Variants in MAPK4 observed in about 807,000 individuals in gnomAD.
The protein encoded by MAPK4 is Erk3-related.
In MAPK4, 22 loss-of-function variants were observed where a neutral mutation model predicts 47.7. The ratio of observed to expected loss-of-function variants is 0.46; its 90% confidence interval spans 0.33 to 0.66. MAPK4 has a LOEUF of 0.66. Among genes scored for constraint, MAPK4 ranks in the 30% least tolerant of loss-of-function variants. MAPK4 has a pLI of 0.02. For missense variants in MAPK4, 736 were observed against 831.7 expected (o/e 0.88, Z 1.42); for synonymous variants, 390 against 365.7 (o/e 1.07, Z -0.76).
intron 4 of MAPK4, among the ~76,000 whole-genome samples, chr18:50,724,993 C>T (rs1158766175): frequency 6.6e-6 from 1 of 152,236 alleles, no homozygotes; most frequent in Non-Finnish European, 1.5e-5. Context: ...AAGAGCAGAG[C>T]TCCCAGGGCA....
At chr18:50,716,385 C>A (rs537376462) in intron 3 of MAPK4, among the ~76,000 whole-genome samples, 2 of 152,310 alleles carry the variant, frequency 1.3e-5, no homozygotes, top group South Asian at 4.1e-4. Context: ...TGCTTCTCAC[C>A]CACCATGAGC....
Position 50,566,943 on chromosome 18 carries a change from T to C in MAPK4, c.-871+6700T>C, listed in dbSNP as rs538488706. Among the ~76,000 whole-genome samples, 189 of 152,364 alleles carry C rather than the reference T, an allele frequency of 1.2e-3. 1 individual carries two copies. The highest frequency in any genetic ancestry group is 3.4e-3 in the Middle Eastern group (1 of 294). ...CCCATTTTCAAGCTCATTTGAACAA[T>C]TGAGACCATATTGTACATATAATTT... is the stretch of plus-strand genomic sequence containing the variant. On this transcript the variant is annotated intron_variant, in intron 1 of 5. Coordinates refer to ENST00000400384, the MANE Select transcript of MAPK4 (RefSeq NM_002747.4).
chr18:50,723,657 GTT>G lies in MAPK4; in HGVS notation c.853+1560_853+1561del, dbSNP rs1911046652. 1.3e-5 allele frequency among the ~76,000 whole-genome samples: 2 copies of G among 152,170 alleles called. 1 individual carries two copies. The highest frequency in any genetic ancestry group is 4.1e-4 in the South Asian group (2 of 4,830). ...GCGGGCAGACCTCTTGAGCCCAGGAGTTTCAGGCCAGCCTGGGCAACATAGGG... is the reference window on the plus strand; with the variant it reads ...GCGGGCAGACCTCTTGAGCCCAGGAGTCAGGCCAGCCTGGGCAACATAGGG... On this transcript the variant is annotated intron_variant, in intron 4 of 5. Transcript: ENST00000400384.
At chr18:50,575,887 G>C (rs1255845915) in intron 1 of MAPK4, among the ~76,000 whole-genome samples, 1 of 149,838 alleles carries the variant, frequency 6.7e-6, no homozygotes, top group Non-Finnish European at 1.5e-5. Context: ...ACAAGCATAT[G>C]AAAAAAATGC....
chr18:50,590,474 C>T (rs747053618), intron 1 of MAPK4, among the ~76,000 whole-genome samples: 23 of 152,316 alleles, frequency 1.5e-4, no homozygotes, highest in Middle Eastern at 6.8e-3. Context: ...ACTTCCATGA[C>T]TGGAAGCACT....
chr18:50,721,833 A>G (rs1183010060), intron 3 of MAPK4, 105 bp from the exon 4 acceptor site: 1 of 1,113,080 alleles, frequency 9.0e-7, no homozygotes. Context: ...GTGCTGCCCC[A>G]CTGCCCTGTG....
At chr18:50,592,531 G>A (rs944266724) in intron 1 of MAPK4, among the ~76,000 whole-genome samples, 8 of 149,186 alleles carry the variant, frequency 5.4e-5, no homozygotes, top group African/African-American at 1.7e-4. Context: ...AACCCCCCCC[G>A]CTTGGTGTCT....
intron 2 of MAPK4, among the ~76,000 whole-genome samples, chr18:50,680,950 C>T (rs906649331): frequency 6.6e-6 from 1 of 152,116 alleles, no homozygotes; most frequent in African/African-American, 2.4e-5. Context: ...TACCTAGGAG[C>T]GAAATTACTG....
chr18:50,598,985 G>T lies in MAPK4; in HGVS notation c.-871+38742G>T, dbSNP rs575470963. ...TGTTAACCTTGATCACTTGGTTAAG[G>T]TGTAGTGTTTGCTAGGTTTCTCCCC... is the stretch of plus-strand genomic sequence containing the variant. On this transcript the variant is annotated intron_variant, in intron 1 of 5. Transcript: ENST00000400384. Among the ~76,000 whole-genome samples, 12 of 152,254 alleles carry T rather than the reference G, an allele frequency of 7.9e-5. No individual in the cohort carries two copies. In the South Asian group the frequency reaches 2.5e-3, roughly 32 times the overall value.
chr18:50,655,620 A>G (rs2043101165), intron 1 of MAPK4, among the ~76,000 whole-genome samples: 2 of 152,060 alleles, frequency 1.3e-5, no homozygotes, highest in African/African-American at 2.4e-5. Flanking sequence ...TGTTTCTCCT[A>G]ATTCCTGGGG....
intron 1 of MAPK4, among the ~76,000 whole-genome samples, chr18:50,630,758 C>T (rs2042822240): frequency 6.6e-6 from 1 of 152,230 alleles, no homozygotes; most frequent in African/African-American, 2.4e-5. Context: ...AGTCTGACCA[C>T]GTCTGCCTTT....
At chr18:50,692,928 C>G (rs1434892316) in intron 2 of MAPK4, among the ~76,000 whole-genome samples, 1 of 152,120 alleles carries the variant, frequency 6.6e-6, no homozygotes, top group Admixed American at 6.5e-5. Context: ...CCACCTGAAC[C>G]ACAGGCAAGG....
At chr18:50,601,642 C>T (rs1332036028) in intron 1 of MAPK4, among the ~76,000 whole-genome samples, 1 of 152,158 alleles carries the variant, frequency 6.6e-6, no homozygotes, top group Admixed American at 6.5e-5. Flanking sequence ...TGCACCTCTC[C>T]AGTACTGCAA....
chr18:50,606,760 T>C (rs556030667), intron 1 of MAPK4, among the ~76,000 whole-genome samples: 38 of 152,290 alleles, frequency 2.5e-4, no homozygotes, highest in Non-Finnish European at 4.7e-4. Context: ...TACTGTGCAA[T>C]GGGGCAGGCA....
chr18:50,590,308 C>A (rs1043403734), intron 1 of MAPK4, among the ~76,000 whole-genome samples: 18 of 152,202 alleles, frequency 1.2e-4, no homozygotes, highest in African/African-American at 4.3e-4. Context: ...TAAAAACATA[C>A]TATTTCTAGC....
chr18:50,701,421 C>G (rs1192604425), intron 2 of MAPK4, among the ~76,000 whole-genome samples: 1 of 152,218 alleles, frequency 6.6e-6, no homozygotes, highest in African/African-American at 2.4e-5. Context: ...CAGACTTTCC[C>G]TCCTGCTGGA....
At chr18:50,588,586 C>G (rs147459696) in intron 1 of MAPK4, among the ~76,000 whole-genome samples, 1 of 151,838 alleles carries the variant, frequency 6.6e-6, no homozygotes, top group Non-Finnish European at 1.5e-5. Context: ...AGAAAGGGTC[C>G]CACTCCGGTT....
At chr18:50,583,303 A>AT (rs1339572389) in intron 1 of MAPK4, among the ~76,000 whole-genome samples, 13 of 152,186 alleles carry the variant, frequency 8.5e-5, no homozygotes, top group African/African-American at 2.9e-4. Context: ...GAAGGAACCA[A>AT]TCAGCCAGGT....
intron 1 of MAPK4, among the ~76,000 whole-genome samples, chr18:50,593,699 CT>C (rs1327875133): frequency 6.6e-6 from 1 of 152,156 alleles, no homozygotes; most frequent in Non-Finnish European, 1.5e-5. Flanking sequence ...CCCTGGAAGG[CT>C]AATTTGAAGA....
Sources: allele counts gnomAD v4.1 joint callset (sites outside exome capture counted in the v4.1 genomes callset), GRCh38; gene constraint gnomAD v4.1.1; transcripts MANE v1.5; gene names NCBI Gene and HGNC (gene_info 2026-07-23, HGNC 2026-07-21).